Variants in GCLC observed in about 807,000 individuals in gnomAD.
GCLC encodes glutamate--cysteine ligase catalytic subunit.
GCLC carries 30 observed loss-of-function variants against 81.5 expected under a neutral mutation model. The observed-to-expected ratio is 0.37, with a 90% confidence interval of 0.28 to 0.50. The LOEUF is 0.50. GCLC is among the 20% of genes least tolerant of loss of function. GCLC has a pLI of 0.96. For missense variants in GCLC, 556 were observed against 777.4 expected (o/e 0.72, Z 3.39); for synonymous variants, 262 against 273.3 (o/e 0.96, Z 0.41).
chr6:53,498,750 G>C lies in GCLC; in HGVS notation c.*6C>G, dbSNP rs1432988456. 6.4e-7 allele frequency: 1 copy of C among 1,563,986 alleles called. No homozygotes were observed. On this transcript the variant is annotated 3_prime_UTR_variant, in exon 16 of 16. Transcript: ENST00000650454. ...TCAATAATGCATTTTTCTTTCTGTA[G>C]AATGTCTAGTTGGATGAGTCAGTTT...
At chr6:53,517,259 T>TG (rs1764897430) in intron 3 of GCLC, among the ~76,000 whole-genome samples, 1 of 90,704 alleles carries the variant, frequency 1.1e-5, no homozygotes, top group African/African-American at 4.3e-5. Flanking sequence ...GTTTTTTTTT[T>TG]TTTTTTTTTT....
chr6:53,520,075 T>A (rs1216948272), intron 3 of GCLC, among the ~76,000 whole-genome samples: 1 of 152,220 alleles, frequency 6.6e-6, no homozygotes, highest in South Asian at 2.1e-4. Flanking sequence ...CATAGATAAA[T>A]CACATTCATG....
In GCLC at chr6:53,498,436, C is replaced by T; in HGVS notation, c.*320G>A. 2 of 291,844 alleles carry T rather than the reference C, an allele frequency of 6.9e-6. No individual in the cohort carries two copies. Among genetic ancestry groups the T allele is most frequent in the South Asian group, 9.6e-5 (2 of 20,728 alleles). 18.1% of individuals were successfully genotyped at this position (291,844 alleles called of 1,614,324 possible). A position where few individuals can be genotyped will look rare whatever the true frequency, so the allele number is the denominator to read the frequency against. On this transcript the variant is annotated 3_prime_UTR_variant, in exon 16 of 16. Coordinates refer to ENST00000650454, the MANE Select transcript of GCLC (RefSeq NM_001498.4). ...TTAACTCTGGAATGCAAGTATTGTACAATTACCAGTACATTTACAAAACTG... is the reference window on the plus strand; with the variant it reads ...TTAACTCTGGAATGCAAGTATTGTATAATTACCAGTACATTTACAAAACTG...
intron 1 of GCLC, among the ~76,000 whole-genome samples, chr6:53,540,889 A>G (rs911722513): frequency 3.9e-5 from 6 of 152,150 alleles, no homozygotes; most frequent in Admixed American, 3.3e-4. Flanking sequence ...ACCCCACAAA[A>G]AAAAGTCACA....
intron 1 of GCLC, among the ~76,000 whole-genome samples, chr6:53,541,569 T>C (rs1323200529): frequency 1.3e-5 from 2 of 152,082 alleles, no homozygotes; most frequent in Non-Finnish European, 2.9e-5. Context: ...CACCTCAGTT[T>C]GTTTACTCCC....
At chr6:53,505,917 G>C in intron 10 of GCLC, 22 bp from the exon 11 acceptor site, 1 of 1,414,056 alleles carries the variant, frequency 7.1e-7, no homozygotes, top group Non-Finnish European at 1.0e-6. Context: ...AAGCAGAGAA[G>C]AAAACCAACT....
intron 1 of GCLC, among the ~76,000 whole-genome samples, chr6:53,542,911 A>G (rs1763384413): frequency 6.6e-6 from 1 of 152,110 alleles, no homozygotes; most frequent in Non-Finnish European, 1.5e-5. Context: ...CAGGAGGCTG[A>G]GGCAGGAGAA....
At position 53,507,025 on chromosome 6, in the gene GCLC, C is replaced by G. The variant is rs1332721655; in HGVS notation, c.1085G>C (p.Gly362Ala). Residue 362 changes from glycine to alanine, a missense_variant and splice_region_variant, in exon 10 of 16, where the codon GGC (glycine) becomes GCC (alanine). By Grantham distance (60) the Gly-to-Ala change is moderately conservative. This residue lies in a region of GCLC where 313 missense variants were observed against 437.3 expected (regional missense o/e 0.72). Transcript: ENST00000650454. ...KEIYEQLLQEGIDHLLAQHVA... is the reference protein window; with the variant it reads ...KEIYEQLLQEAIDHLLAQHVA... Reference sequence around the variant, plus strand: ...ATGCTGGGCCAGGAGATGATCAATGCCTGCAAAAAGAGATCACATGGGAAC... The same window carrying G: ...ATGCTGGGCCAGGAGATGATCAATGGCTGCAAAAAGAGATCACATGGGAAC... 6.4e-7 allele frequency: 1 copy of G among 1,554,020 alleles called. No homozygotes were observed. Among genetic ancestry groups the G allele is most frequent in the South Asian group, 1.1e-5 (1 of 89,802 alleles).
chr6:53,504,536 G>T (rs1764576095), intron 12 of GCLC, among the ~76,000 whole-genome samples: 1 of 152,202 alleles, frequency 6.6e-6, no homozygotes, highest in Non-Finnish European at 1.5e-5. Flanking sequence ...GGTCTCCCCA[G>T]TAGGTAGGCA....
At chr6:53,526,746 C>T (rs977247302) in intron 1 of GCLC, among the ~76,000 whole-genome samples, 4 of 148,640 alleles carry the variant, frequency 2.7e-5, no homozygotes, top group African/African-American at 5.0e-5. Flanking sequence ...TGCAGTGAGC[C>T]GAGATCGCGG....
rs1299330032 is a variant in GCLC at position 53,497,818 on chromosome 6, G to C, written c.*938C>G. On this transcript the variant is annotated 3_prime_UTR_variant, in exon 16 of 16. Coordinates refer to ENST00000650454, the MANE Select transcript of GCLC (RefSeq NM_001498.4). ...GAATATTCCCCAGGTAAAATCTGGAGTGAATGGCTTTTAGAGGAAAGTCTA... is the reference window on the plus strand; with the variant it reads ...GAATATTCCCCAGGTAAAATCTGGACTGAATGGCTTTTAGAGGAAAGTCTA... The C allele has an allele frequency of 6.6e-6, 1 of 152,572 alleles. No individual in the cohort carries two copies. The highest frequency in any genetic ancestry group is 1.5e-5 in the Non-Finnish European group (1 of 68,036). The allele number at this position is 152,572 out of a possible 1,614,324, so 9.5% of individuals were successfully genotyped here. A position where few individuals can be genotyped will look rare whatever the true frequency, so the allele number is the denominator to read the frequency against.
intron 8 of GCLC, among the ~76,000 whole-genome samples, chr6:53,507,942 AT>A (rs1764648545): frequency 6.6e-6 from 1 of 152,234 alleles, no homozygotes; most frequent in African/African-American, 2.4e-5. Context: ...CAAAATAATT[AT>A]CCTTTAAAGT....
At chr6:53,509,363 A>G (rs1764689304) in intron 6 of GCLC, 113 bp from the exon 7 acceptor site, 1 of 731,246 alleles carries the variant, frequency 1.4e-6, no homozygotes, top group Non-Finnish European at 2.5e-6. Flanking sequence ...ACAACGCTTC[A>G]TTAATGGCAA....
rs1013192835 is a variant in GCLC, at chr6:53,544,928, C to G, written c.-283G>C. 2 of 258,482 alleles carry G rather than the reference C, an allele frequency of 7.7e-6. No homozygotes were observed. The highest frequency in any genetic ancestry group is 2.2e-5 in the African/African-American group (1 of 44,446). 16.0% of individuals were successfully genotyped at this position (258,482 alleles called of 1,614,324 possible). A position where few individuals can be genotyped will look rare whatever the true frequency, so the allele number is the denominator to read the frequency against. ...TCTCGGCCCGGCGGCCTCGCCCTCC[C>G]CGCTGCTCCTCCTCCCGCTCCGATG... On this transcript the variant is annotated 5_prime_UTR_variant, in exon 1 of 16. Transcript: ENST00000650454.
intron 12 of GCLC, 145 bp from the exon 13 acceptor site, chr6:53,500,658 G>C (rs977764966): frequency 1.4e-6 from 1 of 698,792 alleles, no homozygotes; most frequent in South Asian, 1.6e-5. Context: ...GGAGGAACAG[G>C]CTTTTTATTT....
chr6:53,533,046 A>G (rs1177471429), intron 1 of GCLC, among the ~76,000 whole-genome samples: 7 of 152,198 alleles, frequency 4.6e-5, no homozygotes, highest in African/African-American at 1.7e-4. Context: ...TCTTTTGGCT[A>G]TAAGTCTGAG....
intron 6 of GCLC, among the ~76,000 whole-genome samples, chr6:53,511,239 G>T (rs1395652930): frequency 6.7e-6 from 1 of 149,644 alleles, no homozygotes; most frequent in Non-Finnish European, 1.5e-5. Flanking sequence ...TGCGGTCAAA[G>T]GTATAGTGAG....
At position 53,527,178 on chromosome 6, in the gene GCLC, G is replaced by A. The variant is rs772899207; in HGVS notation, c.151-4651C>T. On this transcript the variant is annotated intron_variant, in intron 1 of 15. Transcript: ENST00000650454. ...TCTATCCAGGTGGTCAGGCCAAGGA[G>A]GGCAAGACAGTGAAGGGCTCCCCAG... 2.4e-4 allele frequency among the ~76,000 whole-genome samples: 37 copies of A among 152,272 alleles called. 1 individual carries two copies. The highest frequency in any genetic ancestry group is 6.8e-3 in the Middle Eastern group (2 of 294).
At chr6:53,526,676 T>C (rs906625122) in intron 1 of GCLC, among the ~76,000 whole-genome samples, 1 of 151,768 alleles carries the variant, frequency 6.6e-6, no homozygotes, top group Non-Finnish European at 1.5e-5. Context: ...CGGGCGCCTG[T>C]AGTCCCAGCT....
Sources: allele counts gnomAD v4.1 joint callset (sites outside exome capture counted in the v4.1 genomes callset), GRCh38; gene constraint gnomAD v4.1.1; regional missense constraint gnomAD v4.1.1; transcripts MANE v1.5; gene names NCBI Gene and HGNC (gene_info 2026-07-23, HGNC 2026-07-21).